Variants in TRAPPC12 observed in about 807,000 individuals in gnomAD.
The protein encoded by TRAPPC12 is trafficking protein particle complex subunit 12, also known as TPR repeat protein 15.
In TRAPPC12, 61 loss-of-function variants were observed where a neutral mutation model predicts 69.2. That is an observed-to-expected ratio of 0.88 (90% confidence interval 0.72 to 1.09). The LOEUF is 1.09. TRAPPC12 is among the 50% of genes least tolerant of loss of function. The pLI is 0.00. For synonymous variants in TRAPPC12, 469 were observed against 438.9 expected (o/e 1.07, Z -0.86); for missense variants, 1,101 against 1,016.4 (o/e 1.08, Z -1.13).
chr2:3,443,006 T>C (rs1298540711), intron 5 of TRAPPC12, among the ~76,000 whole-genome samples: 1 of 152,212 alleles, frequency 6.6e-6, no homozygotes, highest in East Asian at 1.9e-4. Flanking sequence ...TTAGTATACA[T>C]ACTACAGATC....
intron 8 of TRAPPC12, chr2:3,463,058 A>G (rs114714946): frequency 0.02 from 8,649 of 433,622 alleles, 529 homozygotes; most frequent in African/African-American, 0.15. Flanking sequence ...GCTAAAATAG[A>G]CTTGTCCCTG....
rs1350697939 is a variant in TRAPPC12, at chr2:3,388,837, G to C, written c.1047+167G>C. ...TCTGTCCCTGGGTAATTAGGGATCT[G>C]TTGGTTTCCCCAACAGAACATATTT... On this transcript the variant is annotated intron_variant, in intron 2 of 11. Coordinates refer to ENST00000324266, the MANE Select transcript of TRAPPC12 (RefSeq NM_016030.6). The C allele has an allele frequency of 7.5e-6, 5 of 667,814 alleles. No individual in the cohort carries two copies. In the East Asian group the frequency reaches 1.5e-4, roughly 20 times the overall value. 41.4% of individuals were successfully genotyped at this position (667,814 alleles called of 1,614,324 possible).
chr2:3,457,965 G>A (rs751145100), intron 7 of TRAPPC12: 73 of 1,336,370 alleles, frequency 5.5e-5, no homozygotes, highest in African/African-American at 1.0e-4. Context: ...AACCTGCCAC[G>A]CTGAGTGGTC....
chr2:3,458,329 A>G (rs1247960566), intron 7 of TRAPPC12: 2 of 986,216 alleles, frequency 2.0e-6, no homozygotes, highest in African/African-American at 3.5e-5. Context: ...GCCCCACCCT[A>G]GCCTCACTCC....
In TRAPPC12 at chr2:3,414,313, G is replaced by A. The variant is rs985731869; in HGVS notation, c.1165-7568G>A. Among the ~76,000 whole-genome samples, 1 of 152,162 alleles carries A rather than the reference G, an allele frequency of 6.6e-6. No homozygotes were observed. The highest frequency in any genetic ancestry group is 6.5e-5 in the Admixed American group (1 of 15,272). On this transcript the variant is annotated intron_variant, in intron 3 of 11. Transcript: ENST00000324266. This position sits in a 1 kb window ranked among gnomAD's most constrained non-coding sequence, Gnocchi z 4.9. ...GTAACCAGTCACTCAAACCAGGCAC[G>A]TGTGATCTCAGAAGAAATCTCACTT...
chr2:3,414,287 C>T lies in TRAPPC12; in HGVS notation c.1165-7594C>T, dbSNP rs994638115. 7.9e-5 allele frequency among the ~76,000 whole-genome samples: 12 copies of T among 152,292 alleles called. No homozygotes were observed. Among genetic ancestry groups the T allele is most frequent in the Non-Finnish European group, 1.5e-4 (10 of 68,026 alleles). ...GACCCACTTGGCAGCCAGTACCCATCGTAACCAGTCACTCAAACCAGGCAC... is the reference window on the plus strand; with the variant it reads ...GACCCACTTGGCAGCCAGTACCCATTGTAACCAGTCACTCAAACCAGGCAC... On this transcript the variant is annotated intron_variant, in intron 3 of 11. Transcript: ENST00000324266. This position sits in a 1 kb window ranked among gnomAD's most constrained non-coding sequence, Gnocchi z 4.9.
intron 5 of TRAPPC12, among the ~76,000 whole-genome samples, chr2:3,442,980 G>T (rs998837958): frequency 6.6e-6 from 1 of 152,068 alleles, no homozygotes; most frequent in African/African-American, 2.4e-5. Context: ...TTGATTTTTT[G>T]ATGATTGTTA....
rs192336008 is a variant in TRAPPC12, at chr2:3,418,070, G to C, written c.1165-3811G>C. Among the ~76,000 whole-genome samples, 625 of 143,314 alleles carry C rather than the reference G, an allele frequency of 4.4e-3. 3 individuals are homozygous for C. The highest frequency in any genetic ancestry group is 6.5e-3 in the Non-Finnish European group (425 of 65,694). 94.0% of individuals were successfully genotyped at this position (143,314 alleles called of 152,430 possible). ...AAAAAAAAAAAAAAACATTGTCATA[G>C]TGGCAGGCACAGTGGCTAATGCCTG... is the stretch of plus-strand genomic sequence containing the variant. On this transcript the variant is annotated intron_variant, in intron 3 of 11. Transcript: ENST00000324266.
intron 1 of TRAPPC12, among the ~76,000 whole-genome samples, chr2:3,385,701 C>T (rs768967012): frequency 3.9e-5 from 6 of 152,218 alleles, no homozygotes; most frequent in East Asian, 3.8e-4. Flanking sequence ...GTAGATGAGA[C>T]GGAGGGAAGA....
At chr2:3,432,313 G>A (rs1010100380) in intron 5 of TRAPPC12, among the ~76,000 whole-genome samples, 2 of 152,142 alleles carry the variant, frequency 1.3e-5, no homozygotes, top group African/African-American at 2.4e-5. Context: ...TCCATTAATC[G>A]GATGCCGAAT....
chr2:3,417,032 C>T (rs1321062720), intron 3 of TRAPPC12, among the ~76,000 whole-genome samples: 1 of 152,048 alleles, frequency 6.6e-6, no homozygotes, highest in Admixed American at 6.5e-5. Flanking sequence ...TGGGTCACCT[C>T]TCCCTGGCAC....
intron 3 of TRAPPC12, among the ~76,000 whole-genome samples, chr2:3,409,940 C>G (rs1661962257): frequency 6.6e-6 from 1 of 152,124 alleles, no homozygotes; most frequent in South Asian, 2.1e-4. Context: ...CTGGGCCTTG[C>G]CCCTTTGCTC....
intron 4 of TRAPPC12, 110 bp downstream of exon 4, chr2:3,422,104 T>G: frequency 8.7e-6 from 7 of 805,618 alleles, no homozygotes; most frequent in Non-Finnish European, 1.4e-5. Context: ...TTTCATATCC[T>G]GCTTCTTTCT....
intron 7 of TRAPPC12, chr2:3,458,231 A>G (rs1158483805): frequency 1.0e-6 from 1 of 988,156 alleles, no homozygotes; most frequent in East Asian, 1.1e-4. Flanking sequence ...CAGTGAGGCC[A>G]TGCCAGCTGC....
At chr2:3,454,457 A>G (rs1248990088) in intron 6 of TRAPPC12, among the ~76,000 whole-genome samples, 86 of 82,704 alleles carry the variant, frequency 1.0e-3, no homozygotes, top group South Asian at 2.1e-3. Context: ...CTACCCCTGC[A>G]CCTTCCCAGC....
At position 3,414,986 on chromosome 2, in the gene TRAPPC12, T is replaced by C. The variant is rs1160570473; in HGVS notation, c.1165-6895T>C. Among the ~76,000 whole-genome samples, 1 of 152,084 alleles carries C rather than the reference T, an allele frequency of 6.6e-6. No homozygotes were observed. The highest frequency in any genetic ancestry group is 2.4e-5 in the African/African-American group (1 of 41,418). The stretch of plus-strand genomic sequence containing the variant: ...CTGTGGTTGGTTGAATCCACGCGTG[T>C]GGAACCTGCAGATACGGAGGACCAA... On this transcript the variant is annotated intron_variant, in intron 3 of 11. Coordinates refer to ENST00000324266, the MANE Select transcript of TRAPPC12 (RefSeq NM_016030.6). This position sits in a 1 kb window ranked among gnomAD's most constrained non-coding sequence, Gnocchi z 4.9.
At chr2:3,412,396 C>G (rs1045062491) in intron 3 of TRAPPC12, among the ~76,000 whole-genome samples, 2 of 152,010 alleles carry the variant, frequency 1.3e-5, no homozygotes, top group Non-Finnish European at 2.9e-5. Flanking sequence ...ACCCCATATC[C>G]ACTAAAAATA....
intron 6 of TRAPPC12, among the ~76,000 whole-genome samples, chr2:3,454,378 C>G (rs1225894627): frequency 6.7e-6 from 1 of 150,004 alleles, no homozygotes; most frequent in Non-Finnish European, 1.5e-5. Context: ...TCTCCATGTC[C>G]TACCCCTGCG....
chr2:3,397,051 A>G (rs1661175446), intron 2 of TRAPPC12, among the ~76,000 whole-genome samples: 2 of 152,228 alleles, frequency 1.3e-5, no homozygotes, highest in African/African-American at 4.8e-5. Context: ...TCTATGTAAT[A>G]TCTGCATCTA....
Sources: gnomAD v4.1 joint callset for allele counts (sites outside exome capture counted in the v4.1 genomes callset) on GRCh38, gnomAD v4.1.1 for gene constraint, Gnocchi (gnomAD v3.1) non-coding constraint, MANE v1.5 for transcripts, NCBI Gene and HGNC (gene_info 2026-07-23, HGNC 2026-07-21) for gene names.